The following COG6 variants were observed in gnomAD, a reference collection of about 807,000 sequenced individuals.
COG6 encodes the protein component of oligomeric golgi complex 6.
COG6 carries 74 observed loss-of-function variants against 88.8 expected under a neutral mutation model. The observed-to-expected ratio is 0.83, with a 90% confidence interval of 0.69 to 1.01. The LOEUF (loss-of-function observed/expected upper bound fraction) is 1.01, where lower values mean the gene tolerates loss of function less well. COG6 is among the 50% of genes least tolerant of loss of function. The probability of loss-of-function intolerance (pLI) is 0.00; values close to 1 mark genes in which losing one functional copy is unlikely to be tolerated. For synonymous variants in COG6, 286 were observed against 278.7 expected (o/e 1.03, Z -0.26); for missense variants, 800 against 797.9 (o/e 1.00, Z -0.03).
At chr13:39,777,689 G>A (rs892708106) in intron 18 of COG6, among the ~76,000 whole-genome samples, 2 of 152,128 alleles carry the variant, frequency 1.3e-5, no homozygotes, top group Non-Finnish European at 2.9e-5. Flanking sequence ...CTTGGTTGGA[G>A]TATCTTTAAG....
rs749232750 is a variant in COG6, at chr13:39,751,068, A to C, written c.1949A>C (p.Gln650Pro). 1 of 1,613,770 alleles carries C rather than the reference A, an allele frequency of 6.2e-7. No individual in the cohort carries two copies. Among genetic ancestry groups the C allele is most frequent in the Admixed American group, 1.7e-5 (1 of 59,956 alleles). The change falls in exon 19 of 19, where the codon CAG becomes CCG. Residue 650 changes from glutamine to proline, a missense_variant. Physicochemically the swap from Gln to Pro is moderately conservative, Grantham distance 76 (BLOSUM62 -1). Coordinates refer to ENST00000455146, the MANE Select transcript of COG6 (RefSeq NM_020751.3). ...GAGAACATTCTTCACCGATCGCCGC[A>C]GCAAGTGCAGACGCTTCTTTCCTGA... ...DPENILHRSP[Q>P]QVQTLLS
chr13:39,726,251 G>T (rs1879130210), intron 17 of COG6, among the ~76,000 whole-genome samples: 2 of 151,774 alleles, frequency 1.3e-5, no homozygotes, highest in Admixed American at 1.3e-4. Flanking sequence ...AAAATTGTAA[G>T]ACCTTCTATC....
At chr13:39,782,025 T>C (rs1047500257) in intron 18 of COG6, among the ~76,000 whole-genome samples, 1 of 152,236 alleles carries the variant, frequency 6.6e-6, no homozygotes, top group African/African-American at 2.4e-5. Flanking sequence ...TGGGAGATGA[T>C]AGCATTCATT....
chr13:39,703,574 A>G (rs74416295), intron 13 of COG6, among the ~76,000 whole-genome samples: 1 of 152,224 alleles, frequency 6.6e-6, no homozygotes, highest in African/African-American at 2.4e-5. Flanking sequence ...TTATAGTTCA[A>G]TAGAACTTTT....
chr13:39,774,476 G>A (rs953496331), intron 18 of COG6, among the ~76,000 whole-genome samples: 3 of 151,956 alleles, frequency 2.0e-5, no homozygotes, highest in African/African-American at 7.2e-5. Context: ...TGGTTCTTTT[G>A]TAAGTCTTTT....
intron 8 of COG6, 29 bp from the exon 9 acceptor site, chr13:39,687,474 C>A: frequency 1.2e-6 from 2 of 1,605,484 alleles, no homozygotes; most frequent in African/African-American, 1.3e-5. Flanking sequence ...ACAACCCCAA[C>A]CATTTTTTAT....
In COG6 at chr13:39,684,243, ATTTTTTTTT is replaced by A. The variant is rs1203671335; in HGVS notation, c.788+1996_788+2004del. On this transcript the variant is annotated intron_variant, in intron 8 of 18. Transcript: ENST00000455146. ...GGGGGCAGTAATGGCAATTTGGAAG[ATTTTTTTTT>A]TTTTTTTTTTTTTTTTGAGACGGAG... is the stretch of plus-strand genomic sequence containing the variant. 6.1e-4 allele frequency among the ~76,000 whole-genome samples: 41 copies of A among 67,390 alleles called. No individual in the cohort carries two copies. The South Asian group carries it at 0.019, about 32-fold the overall frequency. 44.2% of individuals were successfully genotyped at this position (67,390 alleles called of 152,430 possible).
chr13:39,685,810 A>G (rs1876602509), intron 8 of COG6, among the ~76,000 whole-genome samples: 2 of 152,306 alleles, frequency 1.3e-5, no homozygotes, highest in South Asian at 2.1e-4. Context: ...AAAAAATAGT[A>G]AATGCAAGGC....
At position 39,682,239 on chromosome 13, in the gene COG6, C is replaced by A; in HGVS notation, c.763C>A (p.Leu255Met). The A allele has an allele frequency of 2.5e-6, 4 of 1,611,308 alleles. No homozygotes were observed. The highest frequency in any genetic ancestry group is 3.4e-6 in the Non-Finnish European group (4 of 1,177,568). ...AGTATTGACACAGGCAATGGAAGCC[C>A]TGCAGGACAGACCTGTCTTATATAA... ...SPVLTQAMEA[L>M]QDRPVLYKYT... The change falls in exon 8 of 19, where the codon CTG (leucine) becomes ATG (methionine). Residue 255 changes from leucine to methionine, a missense_variant. Coordinates refer to ENST00000455146, the MANE Select transcript of COG6 (RefSeq NM_020751.3).
intron 18 of COG6, among the ~76,000 whole-genome samples, chr13:39,786,393 G>A (rs1396555659): frequency 2.0e-5 from 3 of 152,182 alleles, no homozygotes; most frequent in African/African-American, 7.2e-5. Context: ...AATAGTGGAT[G>A]CCCGGACAAG....
intron 18 of COG6, among the ~76,000 whole-genome samples, chr13:39,731,023 A>G (rs187579271): frequency 6.6e-6 from 1 of 151,742 alleles, no homozygotes; most frequent in African/African-American, 2.4e-5. Flanking sequence ...GGGCCTCACC[A>G]TGTTGGCCAG....
intron 1 of COG6, chr13:39,656,719 T>C (rs955506505): frequency 4.4e-5 from 17 of 389,214 alleles, no homozygotes; most frequent in African/African-American, 3.4e-4. Context: ...TGCAATGTAA[T>C]GAATAAGAAA....
intron 18 of COG6, among the ~76,000 whole-genome samples, chr13:39,760,596 C>T (rs572914917): frequency 1.4e-3 from 217 of 152,158 alleles, no homozygotes; most frequent in African/African-American, 4.7e-3. Flanking sequence ...ATGAATCATA[C>T]AATAACAAAC....
chr13:39,686,630 T>C (rs1876655017), intron 8 of COG6, among the ~76,000 whole-genome samples: 1 of 152,252 alleles, frequency 6.6e-6, no homozygotes, highest in African/African-American at 2.4e-5. Context: ...TAAAGATGGA[T>C]AGCAATTTTT....
At chr13:39,740,854 C>A (rs1880005203) in intron 18 of COG6, among the ~76,000 whole-genome samples, 1 of 152,084 alleles carries the variant, frequency 6.6e-6, no homozygotes, top group South Asian at 2.1e-4. Flanking sequence ...TCTTCTTGGG[C>A]TTTTAGGCTT....
rs1373711097 is a variant in COG6, at chr13:39,752,290, TTA to T, written c.*1199_*1200del. On this transcript the variant is annotated 3_prime_UTR_variant, in exon 19 of 19. Coordinates refer to ENST00000455146, the MANE Select transcript of COG6 (RefSeq NM_020751.3). ...ACATAAAACTAGTATTTGTAGAAGATTATGTGTTGTATATAACAAATTAGTAT... is the reference window on the plus strand; with the variant it reads ...ACATAAAACTAGTATTTGTAGAAGATTGTGTTGTATATAACAAATTAGTAT... 4.6e-6 allele frequency: 4 copies of T among 870,806 alleles called. No homozygotes were observed. Among genetic ancestry groups the T allele is most frequent in the Non-Finnish European group, 6.2e-6 (4 of 647,692 alleles). 53.9% of individuals were successfully genotyped at this position (870,806 alleles called of 1,614,324 possible). A position where few individuals can be genotyped will look rare whatever the true frequency, so the allele number is the denominator to read the frequency against.
intron 13 of COG6, among the ~76,000 whole-genome samples, chr13:39,704,106 G>C (rs1442895477): frequency 6.6e-6 from 1 of 152,020 alleles, no homozygotes; most frequent in Non-Finnish European, 1.5e-5. Flanking sequence ...TGAAAACTTA[G>C]TATCTTATTC....
Position 39,724,501 on chromosome 13 carries a change from T to TAA in COG6, c.1693-5_1693-4dup. On this transcript the variant is annotated splice_region_variant and splice_polypyrimidine_tract_variant and intron_variant, in intron 16 of 18. Transcript: ENST00000455146. ...GGATCTGCTTTTTTTTTTTTTTTTTTAAATAGGGCTCTTTAGCTAATATGC... is the reference window on the plus strand; with the variant it reads ...GGATCTGCTTTTTTTTTTTTTTTTTTAAAAATAGGGCTCTTTAGCTAATATGC... 2 of 1,253,554 alleles carry TAA rather than the reference T, an allele frequency of 1.6e-6. No individual in the cohort carries two copies. The highest frequency in any genetic ancestry group is 2.2e-6 in the Non-Finnish European group (2 of 923,716). 77.7% of individuals were successfully genotyped at this position (1,253,554 alleles called of 1,614,324 possible). A position where few individuals can be genotyped will look rare whatever the true frequency, so the allele number is the denominator to read the frequency against.
exon 19 of COG6, chr13:39,790,875 C>T (rs868290783): frequency 6.6e-6 from 1 of 151,852 alleles, no homozygotes; most frequent in Admixed American, 6.6e-5. Context: ...TGAATTTTTT[C>T]TCAGTCTTTT....
Sources: allele counts gnomAD v4.1 joint callset (sites outside exome capture counted in the v4.1 genomes callset), GRCh38; gene constraint gnomAD v4.1.1; transcripts MANE v1.5; gene names NCBI Gene and HGNC (gene_info 2026-07-23, HGNC 2026-07-21).